KCNMA1: variants seen among roughly 807,000 people sequenced by gnomAD.
KCNMA1 encodes the protein potassium calcium-activated channel subfamily M alpha 1.
A neutral mutation model predicts 140.0 loss-of-function variants in KCNMA1; 29 were observed. That is an observed-to-expected ratio of 0.21 (90% CI 0.15 to 0.28). The LOEUF (loss-of-function observed/expected upper bound fraction) is 0.28, where lower values mean the gene tolerates loss of function less well. Among genes scored for constraint, KCNMA1 ranks in the 10% least tolerant of loss-of-function variants. The pLI, the probability that KCNMA1 is intolerant of heterozygous loss-of-function variation, is 1.00. For missense variants in KCNMA1, 880 were observed against 1,602.2 expected, an observed-to-expected ratio of 0.55 and a Z score of 7.70; for synonymous variants, 612 against 611.9, an observed-to-expected ratio of 1.00 and a Z score of 0.00.
At chr10:77,353,970 T>TTGG (rs2093192779) in intron 2 of KCNMA1, among the ~76,000 whole-genome samples, 6 of 92,936 alleles carry the variant, frequency 6.5e-5, no homozygotes, top group African/African-American at 2.6e-4. Context: ...CCTCTTTTTT[T>TTGG]GGGGGGGGGG....
At position 76,944,849 on chromosome 10, in the gene KCNMA1, T is replaced by C. The variant is rs747522141; in HGVS notation, c.2826A>G (p.Glu942=). The change falls in exon 23 of 28, where the codon GAA becomes GAG. Residue 942 remains glutamate (E), a synonymous_variant. Transcript: ENST00000286628. The part of the protein sequence containing the change: ...NIDDTSLQDK[E]CILASLNIKS... ...TGATGTTGAGTGACGCCAAGATGCATTCCTTGTCCTGCAGCGAAGTATCAT... is the reference window on the plus strand; with the variant it reads ...TGATGTTGAGTGACGCCAAGATGCACTCCTTGTCCTGCAGCGAAGTATCAT... 7.4e-6 allele frequency: 12 copies of C among 1,614,174 alleles called. No individual in the cohort carries two copies. The East Asian group carries it at 2.5e-4, about 33-fold the overall frequency.
chr10:77,183,012 G>C (rs1306235540), intron 5 of KCNMA1, among the ~76,000 whole-genome samples: 1 of 152,134 alleles, frequency 6.6e-6, no homozygotes. Context: ...CCCACTTTTT[G>C]GAAGCAGACC....
At chr10:77,567,130 T>C (rs1181498282) in intron 1 of KCNMA1, among the ~76,000 whole-genome samples, 1 of 152,182 alleles carries the variant, frequency 6.6e-6, no homozygotes, top group African/African-American at 2.4e-5. Context: ...ACGGGATGCC[T>C]GCAGAGCGAT....
intron 1 of KCNMA1, among the ~76,000 whole-genome samples, chr10:77,495,853 G>A (rs562273331): frequency 2.6e-5 from 4 of 152,288 alleles, no homozygotes; most frequent in Admixed American, 2.6e-4. Flanking sequence ...TTCCCTCAGA[G>A]GAAGCAGAGG....
chr10:76,981,299 A>G (rs1452280298), intron 19 of KCNMA1, among the ~76,000 whole-genome samples: 1 of 152,122 alleles, frequency 6.6e-6, no homozygotes, highest in Non-Finnish European at 1.5e-5. Context: ...TATGGCCCCA[A>G]TGAAGTGCTC....
At chr10:77,610,373 C>T (rs1192559917) in intron 1 of KCNMA1, among the ~76,000 whole-genome samples, 3 of 152,312 alleles carry the variant, frequency 2.0e-5, no homozygotes, top group East Asian at 1.9e-4. Flanking sequence ...TAGAGGGTGC[C>T]GGAGAATCCA....
chr10:77,138,454 ACTTAT>A (rs1469709884), intron 5 of KCNMA1, among the ~76,000 whole-genome samples: 1 of 151,960 alleles, frequency 6.6e-6, no homozygotes, highest in East Asian at 1.9e-4. Flanking sequence ...ATGTGAAATA[ACTTAT>A]CTTTTCCCTC....
intron 10 of KCNMA1, among the ~76,000 whole-genome samples, chr10:77,087,033 C>T (rs2096708568): frequency 6.6e-6 from 1 of 152,204 alleles, no homozygotes; most frequent in Non-Finnish European, 1.5e-5. Context: ...CAGTAGACTA[C>T]CCTCCTTTGT....
chr10:77,289,413 C>T (rs927173134), intron 2 of KCNMA1, among the ~76,000 whole-genome samples: 2 of 152,184 alleles, frequency 1.3e-5, no homozygotes, highest in Non-Finnish European at 2.9e-5. Context: ...TATGCAAATG[C>T]CATCTGCCCT....
Position 77,419,527 on chromosome 10 carries a change from G to A in KCNMA1, c.379-15504C>T, listed in dbSNP as rs866302546. ...TACTCAGATTTCTTGAACTTGAGACGTCAAAGGTGAGACGCCAGCCAAGGA... is the reference window on the plus strand; with the variant it reads ...TACTCAGATTTCTTGAACTTGAGACATCAAAGGTGAGACGCCAGCCAAGGA... On this transcript the variant is annotated intron_variant, in intron 1 of 27. Transcript: ENST00000286628. Among the ~76,000 whole-genome samples, 13 of 152,136 alleles carry A rather than the reference G, an allele frequency of 8.5e-5. 1 individual carries two copies. The highest frequency in any genetic ancestry group is 2.4e-5 in the African/African-American group (1 of 41,434).
chr10:77,031,156 G>A (rs2093910662), intron 15 of KCNMA1, among the ~76,000 whole-genome samples: 1 of 152,236 alleles, frequency 6.6e-6, no homozygotes, highest in Non-Finnish European at 1.5e-5. Context: ...CTCATCAGAA[G>A]AGAGGAAATG....
intron 3 of KCNMA1, among the ~76,000 whole-genome samples, chr10:77,206,819 G>GC (rs553539983): frequency 2.6e-5 from 4 of 151,132 alleles, no homozygotes; most frequent in Non-Finnish European, 5.9e-5. Context: ...GGGAGGGAGG[G>GC]GGGGGCGGGT....
rs190018784 is a variant in KCNMA1 at position 77,378,845 on chromosome 10, T to C, written c.540+25017A>G. Among the ~76,000 whole-genome samples, 6 of 152,222 alleles carry C rather than the reference T, an allele frequency of 3.9e-5. No homozygotes were observed. The East Asian group carries it at 1.2e-3, about 29-fold the overall frequency. ...ATTTATAATCACATGGCAGGAAGGG[T>C]GGAATTTCAAGATAGAATTATTATT... On this transcript the variant is annotated intron_variant, in intron 2 of 27. Coordinates refer to ENST00000286628, the MANE Select transcript of KCNMA1 (RefSeq NM_001161352.2).
intron 2 of KCNMA1, among the ~76,000 whole-genome samples, chr10:77,348,900 C>T (rs1160165261): frequency 6.6e-6 from 1 of 151,634 alleles, no homozygotes; most frequent in South Asian, 2.1e-4. Flanking sequence ...AAGCCACATC[C>T]CTCTCTCTCT....
At chr10:77,193,075 T>C (rs1477943433) in intron 3 of KCNMA1, among the ~76,000 whole-genome samples, 1 of 152,210 alleles carries the variant, frequency 6.6e-6, no homozygotes, top group African/African-American at 2.4e-5. Context: ...ATGAGAGCTT[T>C]CCTTGCCTGG....
At chr10:77,636,576 G>A in intron 1 of KCNMA1, 4 of 1,536,184 alleles carry the variant, frequency 2.6e-6, no homozygotes, top group African/African-American at 1.4e-5. Context: ...GCACCTAAGG[G>A]ACGGAGTGGG....
At chr10:76,908,429 G>A (rs530843369) in intron 25 of KCNMA1, among the ~76,000 whole-genome samples, 2 of 152,268 alleles carry the variant, frequency 1.3e-5, no homozygotes, top group East Asian at 1.9e-4. Flanking sequence ...TAATTCAGAC[G>A]AATGTCATTT....
chr10:77,138,523 C>T (rs928256898), intron 5 of KCNMA1, among the ~76,000 whole-genome samples: 1 of 152,202 alleles, frequency 6.6e-6, no homozygotes, highest in Non-Finnish European at 1.5e-5. Flanking sequence ...GGACCAAGAG[C>T]CCCACACGGG....
intron 9 of KCNMA1, among the ~76,000 whole-genome samples, chr10:77,104,736 AC>A (rs1257834889): frequency 2.6e-5 from 4 of 152,296 alleles, no homozygotes; most frequent in Non-Finnish European, 1.5e-5. Flanking sequence ...GTGACCTTGG[AC>A]CACGATCTTG....
Sources: gnomAD v4.1 joint callset for allele counts (sites outside exome capture counted in the v4.1 genomes callset) on GRCh38, gnomAD v4.1.1 for gene constraint, MANE v1.5 for transcripts, NCBI Gene and HGNC (gene_info 2026-07-23, HGNC 2026-07-21) for gene names.